NUDCD1: variants seen among roughly 807,000 people sequenced by gnomAD.
The protein encoded by NUDCD1 is NudC domain containing 1.
NUDCD1 carries 60 observed loss-of-function variants against 67.8 expected under a neutral mutation model. That is an observed-to-expected ratio of 0.88 (90% confidence interval 0.72 to 1.10). The LOEUF is 1.10. NUDCD1 is among the 50% of genes least tolerant of loss of function. NUDCD1 has a pLI of 0.00. For missense variants in NUDCD1, 643 were observed against 695.0 expected (o/e 0.93, Z 0.84); for synonymous variants, 244 against 230.8 (o/e 1.06, Z -0.52).
At position 109,271,004 on chromosome 8, in the gene NUDCD1, C is replaced by A; in HGVS notation, c.1299+1G>T. 4 of 1,566,584 alleles carry A rather than the reference C, an allele frequency of 2.6e-6. No homozygotes were observed. The highest frequency in any genetic ancestry group is 1.4e-5 in the African/African-American group (1 of 73,192). ...TAGAAATATTAATATCAGTAACTTA[C>A]CACATGAGTAGTTTTTAATGTATTG... On this transcript the variant is annotated splice_donor_variant, in intron 8 of 9. Transcript: ENST00000239690. LOFTEE classifies it high-confidence loss of function.
chr8:109,332,483 G>A (rs889348266), intron 1 of NUDCD1, among the ~76,000 whole-genome samples: 2 of 152,200 alleles, frequency 1.3e-5, no homozygotes, highest in Admixed American at 6.5e-5. Flanking sequence ...GAGACCATGT[G>A]AAAGAATCTT....
At chr8:109,323,329 CCTGT>C (rs1162774383) in intron 1 of NUDCD1, among the ~76,000 whole-genome samples, 1 of 152,080 alleles carries the variant, frequency 6.6e-6, no homozygotes, top group East Asian at 1.9e-4. Context: ...TGCTTTGAGT[CCTGT>C]CTGACTTATA....
At chr8:109,283,139 A>T (rs1585296) in intron 5 of NUDCD1, among the ~76,000 whole-genome samples, 54,785 of 152,064 alleles carry the variant, frequency 0.36, 10,696 homozygotes, top group South Asian at 0.5. Context: ...CACTTATGGA[A>T]TTTCCAAATA....
intron 2 of NUDCD1, among the ~76,000 whole-genome samples, chr8:109,310,073 T>A (rs1011727766): frequency 1.3e-5 from 2 of 151,956 alleles, no homozygotes; most frequent in Non-Finnish European, 2.9e-5. Flanking sequence ...ACAAATTCAA[T>A]GCAATACCCA....
At chr8:109,279,867 G>C (rs1411836068) in intron 6 of NUDCD1, among the ~76,000 whole-genome samples, 1 of 151,832 alleles carries the variant, frequency 6.6e-6, no homozygotes, top group Admixed American at 6.6e-5. Context: ...CCTGACCTCA[G>C]GCAATCCACC....
intron 9 of NUDCD1, among the ~76,000 whole-genome samples, chr8:109,243,799 C>G (rs1470279978): frequency 1.3e-5 from 2 of 152,048 alleles, no homozygotes; most frequent in Admixed American, 1.3e-4. Context: ...ATTCGTGATG[C>G]ATTCTCTTAT....
At chr8:109,288,704 T>C (rs1814629486) in intron 5 of NUDCD1, among the ~76,000 whole-genome samples, 1 of 152,188 alleles carries the variant, frequency 6.6e-6, no homozygotes. Context: ...TTTATTTCTT[T>C]ACTTTCTTAA....
chr8:109,296,517 G>A lies in NUDCD1; in HGVS notation c.326C>T (p.Thr109Ile). The A allele has an allele frequency of 6.2e-7, 1 of 1,612,124 alleles. No individual in the cohort carries two copies. Among genetic ancestry groups the A allele is most frequent in the Non-Finnish European group, 8.5e-7 (1 of 1,178,646 alleles). The change falls in exon 3 of 10, where the codon ACA becomes ATA. Residue 109 changes from threonine (T) to isoleucine (I), a missense_variant. Transcript: ENST00000239690. ...TGCACAAAGACGGTTGTCACATGCT[G>A]TCAAATCTGTAGGAAGTCGAAACAC... ...REVFRLPTDLTACDNRLCASI... is the reference protein window; with the variant it reads ...REVFRLPTDLIACDNRLCASI...
At chr8:109,272,364 AAC>A (rs5893949) in intron 7 of NUDCD1, among the ~76,000 whole-genome samples, 53,835 of 150,158 alleles carry the variant, frequency 0.36, 10,305 homozygotes, top group South Asian at 0.49. Context: ...GAACCACTAA[AAC>A]ACACACACAC....
rs188892828 is a variant in NUDCD1, at chr8:109,315,537, T to C, written c.273+6772A>G. The C allele has an allele frequency of 3.9e-5, 6 of 152,246 alleles. No individual in the cohort carries two copies. In the East Asian group the frequency reaches 1.2e-3, roughly 29 times the overall value. The allele number at this position is 152,246 out of a possible 1,614,324, so 9.4% of individuals were successfully genotyped here. Reference sequence around the variant, plus strand: ...CCAAAGAAAAGTATTAACTAATCATTGTCTGAGCATCAGGCCCATTCATTC... The same window carrying C: ...CCAAAGAAAAGTATTAACTAATCATCGTCTGAGCATCAGGCCCATTCATTC... On this transcript the variant is annotated intron_variant, in intron 2 of 9. Coordinates refer to ENST00000239690, the MANE Select transcript of NUDCD1 (RefSeq NM_032869.4).
In NUDCD1 at chr8:109,280,994, A is replaced by C. The variant is rs201182099; in HGVS notation, c.1002T>G (p.Ser334Arg). The part of the protein sequence containing the change: ...KLYSSIDHES[S>R]TWIIKESNSL... ...TATTACTCTCTTTAATTATCCATGTACTGCTTTCATGATCAATAGATGAAT... is the reference window on the plus strand; with the variant it reads ...TATTACTCTCTTTAATTATCCATGTCCTGCTTTCATGATCAATAGATGAAT... The change falls in exon 6 of 10, where the codon AGT becomes AGG. Residue 334 changes from serine (S) to arginine (R), a missense_variant. By Grantham distance (110) the Ser-to-Arg change is moderately radical (BLOSUM62 -1). Coordinates refer to ENST00000239690, the MANE Select transcript of NUDCD1 (RefSeq NM_032869.4). 1 of 1,596,090 alleles carries C rather than the reference A, an allele frequency of 6.3e-7. No homozygotes were observed. Among genetic ancestry groups the C allele is most frequent in the East Asian group, 2.2e-5 (1 of 44,668 alleles).
intron 8 of NUDCD1, among the ~76,000 whole-genome samples, chr8:109,270,574 CATAA>C (rs1814126304): frequency 6.6e-6 from 1 of 152,024 alleles, no homozygotes; most frequent in South Asian, 2.1e-4. Context: ...ATAGCATCAT[CATAA>C]ATAATGTACT....
At chr8:109,260,539 C>A (rs1408200575) in intron 8 of NUDCD1, among the ~76,000 whole-genome samples, 1 of 152,138 alleles carries the variant, frequency 6.6e-6, no homozygotes, top group African/African-American at 2.4e-5. Context: ...ATAATAGGTA[C>A]AACAGGAGCA....
At chr8:109,326,756 C>T (rs762986576) in intron 1 of NUDCD1, among the ~76,000 whole-genome samples, 6 of 152,114 alleles carry the variant, frequency 3.9e-5, no homozygotes, top group Non-Finnish European at 7.4e-5. Flanking sequence ...CCACAAAAGC[C>T]TCATGGGACC....
At chr8:109,278,304 C>A (rs1046108377) in intron 6 of NUDCD1, among the ~76,000 whole-genome samples, 2 of 152,092 alleles carry the variant, frequency 1.3e-5, no homozygotes, top group Non-Finnish European at 2.9e-5. Context: ...GGGGAAAAAA[C>A]TGCCTGGAAT....
intron 5 of NUDCD1, among the ~76,000 whole-genome samples, chr8:109,286,733 A>C (rs1814582893): frequency 6.6e-6 from 1 of 152,124 alleles, no homozygotes; most frequent in South Asian, 2.1e-4. Flanking sequence ...ATGAATTATG[A>C]CTAAGTACTC....
intron 5 of NUDCD1, among the ~76,000 whole-genome samples, chr8:109,282,769 C>T (rs1172100908): frequency 6.6e-6 from 1 of 151,498 alleles, no homozygotes; most frequent in Non-Finnish European, 1.5e-5. Context: ...CACTATGGCA[C>T]GTGTATACCT....
intron 2 of NUDCD1, among the ~76,000 whole-genome samples, chr8:109,300,667 A>G (rs1461480932): frequency 6.6e-6 from 1 of 152,226 alleles, no homozygotes; most frequent in Admixed American, 6.5e-5. Context: ...AAAGTTTGGA[A>G]AACATATTTG....
At chr8:109,314,627 C>A (rs1470238143) in intron 2 of NUDCD1, among the ~76,000 whole-genome samples, 2 of 152,062 alleles carry the variant, frequency 1.3e-5, no homozygotes, top group African/African-American at 4.8e-5. Context: ...TTCTAGTATA[C>A]CCATCCCCAA....
Sources: allele counts gnomAD v4.1 joint callset (sites outside exome capture counted in the v4.1 genomes callset), GRCh38; gene constraint gnomAD v4.1.1; transcripts MANE v1.5; gene names NCBI Gene and HGNC (gene_info 2026-07-23, HGNC 2026-07-21).